GRIK1: variants seen among roughly 807,000 people sequenced by gnomAD.
GRIK1 encodes the protein glutamate receptor ionotropic, kainate 1.
GRIK1 carries 69 observed loss-of-function variants against 105.7 expected under a neutral mutation model. That is an observed-to-expected ratio of 0.65 (90% confidence interval 0.54 to 0.80). The LOEUF is 0.80. Among genes scored for constraint, GRIK1 ranks in the 30% least tolerant of loss-of-function variants. The pLI, the probability that GRIK1 is intolerant of heterozygous loss-of-function variation, is 0.00. For synonymous variants in GRIK1, 438 were observed against 431.3 expected, an observed-to-expected ratio of 1.02 and a Z score of -0.19; for missense variants, 1,109 against 1,167.3, an observed-to-expected ratio of 0.95 and a Z score of 0.73.
chr21:29,543,961 A>G (rs1186196327), intron 16 of GRIK1, among the ~76,000 whole-genome samples: 1 of 152,064 alleles, frequency 6.6e-6, no homozygotes, highest in African/African-American at 2.4e-5. Flanking sequence ...TGCTAATGTC[A>G]TGTTTTCATT....
At chr21:29,930,842 T>A (rs1176027234) in intron 1 of GRIK1, among the ~76,000 whole-genome samples, 7 of 152,236 alleles carry the variant, frequency 4.6e-5, no homozygotes, top group Admixed American at 6.5e-5. Flanking sequence ...AAGGACACTC[T>A]TAGAAAACCC....
chr21:29,875,523 G>C (rs559223171), intron 1 of GRIK1, among the ~76,000 whole-genome samples: 176 of 152,060 alleles, frequency 1.2e-3, no homozygotes, highest in Non-Finnish European at 2.1e-3. Context: ...CAACCACAAT[G>C]ATTTACGCCT....
intron 1 of GRIK1, among the ~76,000 whole-genome samples, chr21:29,921,246 A>G (rs559594388): frequency 7.9e-5 from 12 of 152,140 alleles, no homozygotes; most frequent in Non-Finnish European, 1.5e-4. Context: ...CAACTGTTCT[A>G]GAGGAGTTCC....
intron 1 of GRIK1, among the ~76,000 whole-genome samples, chr21:29,745,386 A>G (rs984168714): frequency 6.6e-6 from 1 of 152,372 alleles, no homozygotes. Flanking sequence ...CAGTTAAGCT[A>G]TGCCCAGATT....
chr21:29,705,554 A>G (rs1460731518), intron 1 of GRIK1, among the ~76,000 whole-genome samples: 3 of 152,252 alleles, frequency 2.0e-5, no homozygotes, highest in African/African-American at 7.2e-5. Flanking sequence ...GGGACTGACT[A>G]AAATAATTTG....
At chr21:29,804,354 G>T (rs946018323) in intron 1 of GRIK1, among the ~76,000 whole-genome samples, 2 of 152,056 alleles carry the variant, frequency 1.3e-5, no homozygotes, top group African/African-American at 4.8e-5. Flanking sequence ...GCTTGAAAAT[G>T]CTTGCACCAA....
At chr21:29,678,856 A>T (rs940635408) in intron 3 of GRIK1, among the ~76,000 whole-genome samples, 1 of 152,180 alleles carries the variant, frequency 6.6e-6, no homozygotes, top group African/African-American at 2.4e-5. Flanking sequence ...CACATCTTGC[A>T]TTTTAGCTTG....
chr21:29,613,671 A>G (rs1412201469), intron 7 of GRIK1, among the ~76,000 whole-genome samples: 1 of 152,232 alleles, frequency 6.6e-6, no homozygotes, highest in Non-Finnish European at 1.5e-5. Flanking sequence ...AAAGTCTTAT[A>G]AAATTGGGAA....
intron 1 of GRIK1, among the ~76,000 whole-genome samples, chr21:29,898,144 AT>A (rs2070242795): frequency 6.6e-6 from 1 of 152,072 alleles, no homozygotes; most frequent in African/African-American, 2.4e-5. Flanking sequence ...TATTAATAGA[AT>A]TTTCCCCTTT....
At chr21:29,601,563 C>T (rs2061519960) in intron 7 of GRIK1, among the ~76,000 whole-genome samples, 1 of 152,210 alleles carries the variant, frequency 6.6e-6, no homozygotes, top group Non-Finnish European at 1.5e-5. Context: ...CTGGGCTCTC[C>T]AGCCTCTGTG....
intron 1 of GRIK1, among the ~76,000 whole-genome samples, chr21:29,803,587 C>T (rs1235693597): frequency 1.3e-5 from 2 of 152,050 alleles, no homozygotes; most frequent in Non-Finnish European, 2.9e-5. Context: ...TTCTTTATAG[C>T]AGGGCTTTCA....
intron 1 of GRIK1, among the ~76,000 whole-genome samples, chr21:29,851,195 C>T (rs774680164): frequency 1.3e-5 from 2 of 152,082 alleles, no homozygotes; most frequent in Non-Finnish European, 2.9e-5. Flanking sequence ...GCTGGAACTA[C>T]AAGCGTGAGC....
chr21:29,927,541 T>C (rs983376181), intron 1 of GRIK1, among the ~76,000 whole-genome samples: 2 of 150,148 alleles, frequency 1.3e-5, no homozygotes, highest in Admixed American at 1.3e-4. Flanking sequence ...AATGCAGCCA[T>C]ATACACACTT....
chr21:29,548,096 C>G (rs929004656), intron 16 of GRIK1, among the ~76,000 whole-genome samples: 1 of 152,150 alleles, frequency 6.6e-6, no homozygotes, highest in Non-Finnish European at 1.5e-5. Context: ...ATTTTAGTTG[C>G]TAGGGGGAAA....
chr21:29,588,762 T>G (rs1171498590), intron 11 of GRIK1, 77 bp downstream of exon 11: 4 of 843,614 alleles, frequency 4.7e-6, no homozygotes, highest in East Asian at 4.9e-5. Flanking sequence ...AAGGAAACAT[T>G]TCTTCTGACA....
chr21:29,830,337 ACACACACACACACACACACACACACT>A (rs2145960884), intron 1 of GRIK1, among the ~76,000 whole-genome samples: 1 of 140,660 alleles, frequency 7.1e-6, no homozygotes, highest in South Asian at 2.6e-4. Context: ...ACACACACAC[ACACACACACACACACACACACACACT>A]CACACACATA....
chr21:29,615,335 A>G (rs1044479802), intron 7 of GRIK1, among the ~76,000 whole-genome samples: 13 of 147,212 alleles, frequency 8.8e-5, no homozygotes, highest in African/African-American at 3.0e-4. Context: ...TTTTTGATAC[A>G]GAGTCTTGCT....
Position 29,718,649 on chromosome 21 carries a change from T to C in GRIK1, c.119-24586A>G, listed in dbSNP as rs75535802. The stretch of plus-strand genomic sequence containing the variant: ...TTTGCTTAAGCAATACATTTATTAT[T>C]CATAGGTCAGAGCTTGGAAAGCGGC... On this transcript the variant is annotated intron_variant, in intron 1 of 17. Coordinates refer to ENST00000327783, the MANE Select transcript of GRIK1 (RefSeq NM_001330994.2). Among the ~76,000 whole-genome samples the C allele has an allele frequency of 6.8e-3, 1,029 of 152,338 alleles. 14 individuals carry two copies. Among genetic ancestry groups the C allele is most frequent in the African/African-American group, 0.024 (983 of 41,564 alleles).
In GRIK1 at chr21:29,673,123, A is replaced by G. The variant is rs759274987; in HGVS notation, c.586T>C (p.Tyr196His). Residue 196 changes from tyrosine (Y) to histidine (H), a missense_variant, in exon 4 of 18, where the codon TAT (tyrosine) becomes CAT (histidine). Physicochemically the swap from Tyr to His is moderately conservative, Grantham distance 83. Coordinates refer to ENST00000327783, the MANE Select transcript of GRIK1 (RefSeq NM_001330994.2). ...TGGCGGATTTTGATTTTAATATTAT[A>G]TCTGGAGGGAGCTTTGATGAGCTCT... ...LQELIKAPSR[Y>H]NIKIKIRQLP... 39 of 1,612,556 alleles carry G rather than the reference A, an allele frequency of 2.4e-5. No individual in the cohort carries two copies. Among genetic ancestry groups the G allele is most frequent in the Non-Finnish European group, 8.5e-7 (1 of 1,178,826 alleles).
Sources: allele counts gnomAD v4.1 joint callset (sites outside exome capture counted in the v4.1 genomes callset), GRCh38; gene constraint gnomAD v4.1.1; transcripts MANE v1.5; gene names NCBI Gene and HGNC (gene_info 2026-07-23, HGNC 2026-07-21).